ZNF333: variants seen among roughly 807,000 people sequenced by gnomAD.
ZNF333 encodes the protein zinc finger protein 333.
ZNF333 carries 61 observed loss-of-function variants against 76.1 expected under a neutral mutation model. That is an observed-to-expected ratio of 0.80 (90% CI 0.65 to 0.99). The LOEUF is 0.99. Ranked by LOEUF, ZNF333 falls within the 50% of genes least tolerant of loss-of-function variation. The pLI is 0.00. For synonymous variants in ZNF333, 284 were observed against 305.0 expected (o/e 0.93, Z 0.72); for missense variants, 717 against 822.4 (o/e 0.87, Z 1.57).
intron 7 of ZNF333, among the ~76,000 whole-genome samples, chr19:14,710,417 G>C (rs1221348206): frequency 6.6e-6 from 1 of 152,220 alleles, no homozygotes; most frequent in African/African-American, 2.4e-5. Flanking sequence ...GATCCACTAG[G>C]AGGACTCACA....
chr19:14,719,080 A>G lies in ZNF333; in HGVS notation c.1753A>G (p.Ser585Gly), dbSNP rs2042528032. The stretch of plus-strand genomic sequence containing the variant: ...CCTCAGGAAACATGCAAGGACTCAC[A>G]GTGGCAAGAAGCCCTATGCATGCCA... ...SSLRKHARTH[S>G]GKKPYACQEC... Residue 585 changes from serine (S) to glycine (G), a missense_variant, in exon 12 of 12, where the codon AGT (serine) becomes GGT (glycine). Transcript: ENST00000292530. 1 of 1,614,172 alleles carries G rather than the reference A, an allele frequency of 6.2e-7. No homozygotes were observed. Among genetic ancestry groups the G allele is most frequent in the African/African-American group, 1.3e-5 (1 of 75,072 alleles).
At chr19:14,728,281 A>G (rs751744385) in intron 11 of ZNF333, among the ~76,000 whole-genome samples, 1 of 152,254 alleles carries the variant, frequency 6.6e-6, no homozygotes, top group Non-Finnish European at 1.5e-5. Context: ...AAGGCATGAG[A>G]TAATTCTTCG....
At position 14,728,942 on chromosome 19, in the gene ZNF333, C is replaced by T. The variant is rs1039027748; in HGVS notation, c.901-2233C>T. 2.0e-5 allele frequency among the ~76,000 whole-genome samples: 3 copies of T among 152,116 alleles called. No homozygotes were observed. The East Asian group carries it at 5.8e-4, about 29-fold the overall frequency. On this transcript the variant is annotated intron_variant, in intron 11 of 11. Transcript: ENST00000540689. ...GGGGTCGGCACAATGTAAGCTGACC[C>T]GATTGGCTACTTGCGAATATTTCTC...
chr19:14,697,866 A>G (rs2146957943), intron 4 of ZNF333, among the ~76,000 whole-genome samples: 1 of 152,264 alleles, frequency 6.6e-6, no homozygotes, highest in South Asian at 2.1e-4. Flanking sequence ...TTGTCATCCA[A>G]TTCCTCTTTA....
In ZNF333 at chr19:14,721,624, A is replaced by G. The variant is rs1361968951; in HGVS notation, c.*2299A>G. The G allele has an allele frequency of 6.6e-6, 1 of 152,166 alleles. No individual in the cohort carries two copies. The highest frequency in any genetic ancestry group is 1.5e-5 in the Non-Finnish European group (1 of 68,024). 9.4% of individuals were successfully genotyped at this position (152,166 alleles called of 1,614,324 possible). A position where few individuals can be genotyped will look rare whatever the true frequency, so the allele number is the denominator to read the frequency against. Reference sequence around the variant, plus strand: ...GTTTATGCTTTTTAATTGCTGTGTAATAGTCCATAGTCTGAATATACCACA... The same window carrying G: ...GTTTATGCTTTTTAATTGCTGTGTAGTAGTCCATAGTCTGAATATACCACA... On this transcript the variant is annotated 3_prime_UTR_variant, in exon 12 of 12. Coordinates refer to ENST00000292530, the MANE Select transcript of ZNF333 (RefSeq NM_032433.4).
In ZNF333 at chr19:14,727,593, G is replaced by GC. The variant is rs199547742; in HGVS notation, c.901-3577dup. 1.7e-4 allele frequency among the ~76,000 whole-genome samples: 26 copies of GC among 152,106 alleles called. No individual in the cohort carries two copies. The East Asian group carries it at 4.8e-3, about 28-fold the overall frequency. On this transcript the variant is annotated intron_variant, in intron 11 of 11. Coordinates refer to the ZNF333 transcript ENST00000540689. The stretch of plus-strand genomic sequence containing the variant: ...TTACTAAACCATTCATGAGCGATTT[G>GC]CCCCCATGATCCAACACCTCCCACC...
chr19:14,730,589 T>C lies in ZNF333; in HGVS notation c.901-586T>C, dbSNP rs2042662786. On this transcript the variant is annotated intron_variant, in intron 11 of 11. Transcript: ENST00000540689. The stretch of plus-strand genomic sequence containing the variant: ...TAAGAGTTTATTATTTAAAAAAAGT[T>C]AAAGCTAGCAAAGCAGTTTGTAATA... Among the ~76,000 whole-genome samples the C allele has an allele frequency of 2.0e-5, 3 of 152,178 alleles. 1 individual carries two copies. In the South Asian group the frequency reaches 6.2e-4, roughly 32 times the overall value.
In ZNF333 at chr19:14,716,239, G is replaced by A; in HGVS notation, c.727+1G>A. ...AACTACAGGAACCTGGCCTCTGTGGGTAAGGCAGCTTCATCTTTTCTTTCC... is the reference window on the plus strand; with the variant it reads ...AACTACAGGAACCTGGCCTCTGTGGATAAGGCAGCTTCATCTTTTCTTTCC... On this transcript the variant is annotated splice_donor_variant, in intron 9 of 11. Coordinates refer to ENST00000292530, the MANE Select transcript of ZNF333 (RefSeq NM_032433.4). LOFTEE classifies it high-confidence loss of function. 1 of 1,600,680 alleles carries A rather than the reference G, an allele frequency of 6.2e-7. No individual in the cohort carries two copies. The highest frequency in any genetic ancestry group is 1.4e-5 in the African/African-American group (1 of 73,938).
chr19:14,733,429 T>A (rs912459949), exon 12 of ZNF333: 6 of 152,176 alleles, frequency 3.9e-5, no homozygotes, highest in African/African-American at 1.4e-4. Flanking sequence ...TTCACCCTCA[T>A]ACAATGGGCC....
chr19:14,723,537 T>C (rs1043381740), downstream of ZNF333, among the ~76,000 whole-genome samples: 9 of 152,380 alleles, frequency 5.9e-5, no homozygotes, highest in African/African-American at 2.2e-4. Flanking sequence ...CAATGCTTTT[T>C]AGCTTTCAGT....
At chr19:14,692,824 C>T (rs1419379758) in intron 1 of ZNF333, among the ~76,000 whole-genome samples, 1 of 144,078 alleles carries the variant, frequency 6.9e-6, no homozygotes, top group Admixed American at 6.9e-5. Context: ...GGACCTTATT[C>T]TTTTTTTTTT....
rs762367224 is a variant in ZNF333, at chr19:14,718,548, G to A, written c.1221G>A (p.Ser407=). The A allele has an allele frequency of 3.7e-6, 6 of 1,614,004 alleles. No homozygotes were observed. Among genetic ancestry groups the A allele is most frequent in the East Asian group, 4.5e-5 (2 of 44,864 alleles). The change falls in exon 12 of 12, where the codon TCG becomes TCA. Residue 407 remains serine (S), a synonymous_variant. Transcript: ENST00000292530. The stretch of plus-strand genomic sequence containing the variant: ...GTGGGCAAGCCTTCAAATATTCCTC[G>A]AATCTCCGGCGACACATGAGAACCC... The part of the protein sequence containing the change: ...QECGQAFKYS[S]NLRRHMRTHT...
downstream of ZNF333, among the ~76,000 whole-genome samples, chr19:14,725,419 C>A (rs2042627371): frequency 6.6e-6 from 1 of 152,154 alleles, no homozygotes; most frequent in Non-Finnish European, 1.5e-5. Context: ...AAAATACAAT[C>A]ATCCCTTCTA....
Position 14,719,117 on chromosome 19 carries a change from G to C in ZNF333, c.1790G>C (p.Arg597Pro), listed in dbSNP as rs756571386. 7 of 1,614,138 alleles carry C rather than the reference G, an allele frequency of 4.3e-6. No individual in the cohort carries two copies. The highest frequency in any genetic ancestry group is 2.5e-6 in the Non-Finnish European group (3 of 1,180,018). Reference sequence around the variant, plus strand: ...CCCTATGCATGCCAGGAATGCGGGCGAGCCTTTGGTCAGTCTTCACATCTT... The same window carrying C: ...CCCTATGCATGCCAGGAATGCGGGCCAGCCTTTGGTCAGTCTTCACATCTT... ...KKPYACQECG[R>P]AFGQSSHLIV... The change falls in exon 12 of 12, where the codon CGA becomes CCA. Residue 597 changes from arginine (R) to proline (P), a missense_variant. Coordinates refer to ENST00000292530, the MANE Select transcript of ZNF333 (RefSeq NM_032433.4).
At chr19:14,715,048 T>C (rs1403083491) in intron 7 of ZNF333, 3 of 214,158 alleles carry the variant, frequency 1.4e-5, no homozygotes, top group Admixed American at 5.5e-5. Flanking sequence ...CGTGTGTGTG[T>C]GTGTGTGTGT....
At chr19:14,715,518 C>A (rs2042405302) in intron 8 of ZNF333, 48 bp downstream of exon 8, 3 of 1,552,024 alleles carry the variant, frequency 1.9e-6, no homozygotes, top group Non-Finnish European at 2.7e-6. Flanking sequence ...TGCCCAAAGG[C>A]TGGACTTACC....
chr19:14,714,146 T>G (rs937560884), intron 7 of ZNF333, among the ~76,000 whole-genome samples: 5 of 151,818 alleles, frequency 3.3e-5, no homozygotes, highest in Non-Finnish European at 7.4e-5. Context: ...AATGAAGAGA[T>G]AGAGGTAGCC....
intron 2 of ZNF333, among the ~76,000 whole-genome samples, chr19:14,694,464 C>A (rs1019011447): frequency 7.2e-5 from 8 of 110,590 alleles, no homozygotes; most frequent in African/African-American, 9.1e-5. Flanking sequence ...CAGAGCAAGA[C>A]TGTCTCAAAA....
Position 14,721,295 on chromosome 19 carries a change from T to TTTTTTTTTTTTTTTTTA in ZNF333, c.*1980_*1981insTTTTTTATTTTTTTTTT, listed in dbSNP as rs2042580761. 1 of 147,286 alleles carries TTTTTTTTTTTTTTTTTA rather than the reference T, an allele frequency of 6.8e-6. No individual in the cohort carries two copies. Among genetic ancestry groups the TTTTTTTTTTTTTTTTTA allele is most frequent in the Non-Finnish European group, 1.5e-5 (1 of 67,340 alleles). 9.1% of individuals were successfully genotyped at this position (147,286 alleles called of 1,614,324 possible). A position where few individuals can be genotyped will look rare whatever the true frequency, so the allele number is the denominator to read the frequency against. The stretch of plus-strand genomic sequence containing the variant: ...TTTACTTGTTCTTTTTTTTTTTTTT[T>TTTTTTTTTTTTTTTTTA]TTTTTTTTTTGGTTTTAAAGTTCTC... On this transcript the variant is annotated 3_prime_UTR_variant, in exon 12 of 12. Transcript: ENST00000292530.
Sources: allele counts gnomAD v4.1 joint callset (sites outside exome capture counted in the v4.1 genomes callset), GRCh38; gene constraint gnomAD v4.1.1; transcripts MANE v1.5; gene names NCBI Gene and HGNC (gene_info 2026-07-23, HGNC 2026-07-21).